The following CDH23 variants were observed in gnomAD, a reference collection of about 807,000 sequenced individuals.
CDH23 encodes cadherin related 23, also known as cadherin-23.
In CDH23, 189 loss-of-function variants were observed where a neutral mutation model predicts 317.1. The observed-to-expected ratio is 0.60, with a 90% CI of 0.53 to 0.67. The LOEUF (loss-of-function observed/expected upper bound fraction) is 0.67, where lower values mean the gene tolerates loss of function less well. Ranked by LOEUF, CDH23 falls within the 30% of genes least tolerant of loss-of-function variation. The pLI, the probability that CDH23 is intolerant of heterozygous loss-of-function variation, is 0.00. For missense variants in CDH23, 4,401 were observed against 4,592.4 expected (o/e 0.96, Z 1.20); for synonymous variants, 1,839 against 1,876.8 (o/e 0.98, Z 0.52).
chr10:71,771,067 G>A lies in CDH23; in HGVS notation c.4846-6613G>A, dbSNP rs113675098. Among the ~76,000 whole-genome samples, 792 of 152,276 alleles carry A rather than the reference G, an allele frequency of 5.2e-3. 7 individuals carry two copies. The highest frequency in any genetic ancestry group is 0.018 in the African/African-American group (747 of 41,556). On this transcript the variant is annotated intron_variant, in intron 38 of 69. Coordinates refer to ENST00000224721, the MANE Select transcript of CDH23 (RefSeq NM_022124.6). ...TATGAAGGAGAAGATGGGGTCTCTCGTCCCTAGCCCCAGTGCACTTAAATG... is the reference window on the plus strand; with the variant it reads ...TATGAAGGAGAAGATGGGGTCTCTCATCCCTAGCCCCAGTGCACTTAAATG...
At chr10:71,569,447 A>T (rs1857629461) in intron 7 of CDH23, among the ~76,000 whole-genome samples, 1 of 152,182 alleles carries the variant, frequency 6.6e-6, no homozygotes, top group Admixed American at 6.5e-5. Flanking sequence ...AGCTCAGAGA[A>T]TGTTCGAGCC....
At chr10:71,689,128 G>T (rs375336543) in intron 19 of CDH23, among the ~76,000 whole-genome samples, 3 of 68,086 alleles carry the variant, frequency 4.4e-5, no homozygotes, top group African/African-American at 1.6e-4. Context: ...GGAGCCAGGG[G>T]TGGTGGAGCC....
intron 3 of CDH23, among the ~76,000 whole-genome samples, chr10:71,477,637 G>T (rs562066828): frequency 6.6e-6 from 1 of 152,168 alleles, no homozygotes. Context: ...AGCACTGAAC[G>T]AGCATGCCCT....
intron 28 of CDH23, among the ~76,000 whole-genome samples, chr10:71,720,784 A>C (rs1234343198): frequency 6.6e-6 from 1 of 152,188 alleles, no homozygotes. Flanking sequence ...CTTCTGAGAG[A>C]AAAGAGCCCC....
In CDH23 at chr10:71,732,269, T is replaced by G. The variant is rs2132825715; in HGVS notation, c.3998T>G (p.Val1333Gly). The G allele has an allele frequency of 6.2e-7, 1 of 1,613,588 alleles. No individual in the cohort carries two copies. Among genetic ancestry groups the G allele is most frequent in the South Asian group, 1.1e-5 (1 of 90,970 alleles). Residue 1333 changes from valine (V) to glycine (G), a missense_variant, in exon 32 of 70, where the codon GTG becomes GGG. Physicochemically the swap from Val to Gly is moderately radical, Grantham distance 109. Around this residue, in one of 3 missense-constraint regions of CDH23, gnomAD observed 3,068 missense variants for 3,203.3 expected, o/e 0.96. Transcript: ENST00000224721. Reference sequence around the variant, plus strand: ...AATCTGGCACTGGGTACTGAGATTGTGCGGGTCCAGGCCTACTCCATCGAC... The same window carrying G: ...AATCTGGCACTGGGTACTGAGATTGGGCGGGTCCAGGCCTACTCCATCGAC... ...LENLALGTEIVRVQAYSIDNL... is the reference protein window; with the variant it reads ...LENLALGTEIGRVQAYSIDNL...
At chr10:71,741,995 A>T in intron 38 of CDH23, 74 bp downstream of exon 38, 1 of 1,174,448 alleles carries the variant, frequency 8.5e-7, no homozygotes, top group Non-Finnish European at 1.2e-6. Context: ...GGGGAACAAG[A>T]TGGGTGAGAA....
intron 2 of CDH23, among the ~76,000 whole-genome samples, chr10:71,444,830 C>CA (rs897229059): frequency 6.6e-6 from 1 of 152,230 alleles, no homozygotes; most frequent in Non-Finnish European, 1.5e-5. Context: ...CATACACCCA[C>CA]ACTCAGGGCC....
At chr10:71,797,565 C>G (rs1841435841) in intron 49 of CDH23, among the ~76,000 whole-genome samples, 2 of 152,146 alleles carry the variant, frequency 1.3e-5, no homozygotes, top group Non-Finnish European at 2.9e-5. Context: ...AACTGGTAAC[C>G]AGGGTGTGGG....
At chr10:71,443,182 G>A (rs766035266) in intron 2 of CDH23, among the ~76,000 whole-genome samples, 15 of 152,224 alleles carry the variant, frequency 9.9e-5, no homozygotes, top group Admixed American at 2.6e-4. Context: ...GGAGGCGACC[G>A]GGGCTTGGAC....
chr10:71,797,774 G>A (rs1452304694), intron 49 of CDH23, among the ~76,000 whole-genome samples: 1 of 152,140 alleles, frequency 6.6e-6, no homozygotes, highest in Non-Finnish European at 1.5e-5. Flanking sequence ...TGAGGCGTGG[G>A]CTGGGAGGGG....
At chr10:71,774,042 T>TGCGC (rs57108074) in intron 38 of CDH23, among the ~76,000 whole-genome samples, 4 of 124,648 alleles carry the variant, frequency 3.2e-5, no homozygotes, top group Admixed American at 8.4e-5. Flanking sequence ...CCTGAGTGCA[T>TGCGC]GCGCGCGCGC....
intron 3 of CDH23, among the ~76,000 whole-genome samples, chr10:71,465,422 G>A (rs1022792691): frequency 2.6e-5 from 4 of 152,224 alleles, no homozygotes; most frequent in Admixed American, 2.0e-4. Flanking sequence ...CTCTAGCCAC[G>A]AGGCATTTGA....
At chr10:71,707,620 G>T in intron 26 of CDH23, 1 of 817,956 alleles carries the variant, frequency 1.2e-6, no homozygotes, top group Admixed American at 5.5e-5. Flanking sequence ...CACAGTGGTA[G>T]GATTGGTAGA....
At chr10:71,752,610 T>A (rs1840033559) in intron 38 of CDH23, among the ~76,000 whole-genome samples, 1 of 152,152 alleles carries the variant, frequency 6.6e-6, no homozygotes, top group African/African-American at 2.4e-5. Context: ...TCCTTGGAGT[T>A]CTCTGCGGGC....
At chr10:71,779,136 G>C (rs565571615) in intron 40 of CDH23, 131 bp from the exon 41 acceptor site, 3 of 821,172 alleles carry the variant, frequency 3.7e-6, no homozygotes, top group African/African-American at 1.7e-5. Context: ...ACCCATATCC[G>C]ACTTCCCATA....
At chr10:71,519,029 A>G (rs1854502052) in intron 6 of CDH23, among the ~76,000 whole-genome samples, 1 of 152,144 alleles carries the variant, frequency 6.6e-6, no homozygotes, top group Non-Finnish European at 1.5e-5. Flanking sequence ...CCCCCCTGTA[A>G]TTATTATTTT....
chr10:71,485,069 C>G (rs1564609996), intron 3 of CDH23, among the ~76,000 whole-genome samples: 1 of 145,130 alleles, frequency 6.9e-6, no homozygotes, highest in Non-Finnish European at 1.5e-5. Context: ...CTCTGTCACC[C>G]AGGCTGGAGG....
chr10:71,519,274 G>C (rs1854521610), intron 6 of CDH23, among the ~76,000 whole-genome samples: 1 of 152,218 alleles, frequency 6.6e-6, no homozygotes. Flanking sequence ...AATGGAAGGA[G>C]ATGATAGCTG....
In CDH23 at chr10:71,813,135, G is replaced by T. The variant is rs553034728; in HGVS notation, c.9634-109G>T. 189 of 1,186,760 alleles carry T rather than the reference G, an allele frequency of 1.6e-4. 1 individual carries two copies. In the South Asian group the frequency reaches 2.6e-3, roughly 16 times the overall value. The allele number at this position is 1,186,760 out of a possible 1,614,324, so 73.5% of individuals were successfully genotyped here. A position where few individuals can be genotyped will look rare whatever the true frequency, so the allele number is the denominator to read the frequency against. ...CTCTGCCGCTGATCCTCTGCCCTAG[G>T]ATCACCAGGATCAGATGTCCGTGTA... is the stretch of plus-strand genomic sequence containing the variant. On this transcript the variant is annotated intron_variant, in intron 68 of 69. Transcript: ENST00000224721.
Sources: gnomAD v4.1 joint callset for allele counts (sites outside exome capture counted in the v4.1 genomes callset) on GRCh38, gnomAD v4.1.1 for gene constraint, gnomAD v4.1.1 regional missense constraint, MANE v1.5 for transcripts, NCBI Gene and HGNC (gene_info 2026-07-23, HGNC 2026-07-21) for gene names.